RBFOX1: variants seen among roughly 807,000 people sequenced by gnomAD.
The protein encoded by RBFOX1 is RNA binding fox-1 homolog 1, also known as RNA binding protein fox-1 homolog 1.
A neutral mutation model predicts 57.7 loss-of-function variants in RBFOX1; 8 were observed. The ratio of observed to expected loss-of-function variants is 0.14; its 90% CI spans 0.08 to 0.25. RBFOX1 has a LOEUF of 0.25. Among genes scored for constraint, RBFOX1 ranks in the 10% least tolerant of loss-of-function variants. The pLI, the probability that RBFOX1 is intolerant of heterozygous loss-of-function variation, is 1.00. For missense variants in RBFOX1, 611 were observed against 548.5 expected (o/e 1.11, Z -1.14); for synonymous variants, 326 against 222.4 (o/e 1.47, Z -4.15).
At chr16:6,411,863 G>C (rs1382306079) in intron 2 of RBFOX1, among the ~76,000 whole-genome samples, 4 of 151,984 alleles carry the variant, frequency 2.6e-5, no homozygotes, top group African/African-American at 9.7e-5. Flanking sequence ...GCCAGGTGTG[G>C]TGGCTCACGC....
intron 4 of RBFOX1, among the ~76,000 whole-genome samples, chr16:5,928,972 G>C (rs748811760): frequency 2.0e-5 from 3 of 149,430 alleles, no homozygotes; most frequent in Non-Finnish European, 4.4e-5. Flanking sequence ...AGGGGTTGCA[G>C]ATCCAGCTGT....
intron 3 of RBFOX1, among the ~76,000 whole-genome samples, chr16:5,658,653 A>G (rs980390659): frequency 2.6e-5 from 4 of 151,746 alleles, no homozygotes; most frequent in Admixed American, 6.6e-5. Context: ...ATAGTCTCCA[A>G]TTTCATCCAG....
At chr16:6,841,537 T>A (rs1484791713) in intron 3 of RBFOX1, among the ~76,000 whole-genome samples, 1 of 152,224 alleles carries the variant, frequency 6.6e-6, no homozygotes, top group Non-Finnish European at 1.5e-5. Flanking sequence ...AACCTCACGC[T>A]AATGAGGCGA....
chr16:7,581,995 C>T (rs1372716517), intron 6 of RBFOX1, among the ~76,000 whole-genome samples: 1 of 151,086 alleles, frequency 6.6e-6, no homozygotes, highest in Non-Finnish European at 1.5e-5. Context: ...GGGATTACAG[C>T]ATAAGATGTG....
chr16:7,503,272 C>T (rs1229793958), intron 4 of RBFOX1, among the ~76,000 whole-genome samples: 7 of 152,264 alleles, frequency 4.6e-5, no homozygotes, highest in Admixed American at 2.6e-4. Flanking sequence ...GCAACGTTCA[C>T]GGCAGAGTTG....
chr16:6,755,680 A>G (rs2075676606), intron 3 of RBFOX1, among the ~76,000 whole-genome samples: 1 of 152,170 alleles, frequency 6.6e-6, no homozygotes, highest in Non-Finnish European at 1.5e-5. Flanking sequence ...ACTTTGCTAT[A>G]AATATAATAC....
intron 10 of RBFOX1, among the ~76,000 whole-genome samples, chr16:7,616,974 T>C (rs551855071): frequency 1.3e-5 from 2 of 151,148 alleles, no homozygotes; most frequent in South Asian, 4.2e-4. Flanking sequence ...GAATCCACCC[T>C]TCCCTGCACA....
chr16:7,689,618 A>T (rs2076894649), intron 14 of RBFOX1, among the ~76,000 whole-genome samples: 1 of 152,068 alleles, frequency 6.6e-6, no homozygotes, highest in Non-Finnish European at 1.5e-5. Context: ...TCTTATCTTC[A>T]GGGAAGTTGG....
intron 1 of RBFOX1, among the ~76,000 whole-genome samples, chr16:5,332,082 C>T (rs749109336): frequency 3.3e-5 from 5 of 152,094 alleles, no homozygotes; most frequent in Non-Finnish European, 7.4e-5. Context: ...TGGATCTTTT[C>T]GGTTTCTTGT....
chr16:7,604,080 C>T (rs11644336), intron 9 of RBFOX1, among the ~76,000 whole-genome samples: 53,004 of 151,900 alleles, frequency 0.35, 11,021 homozygotes, highest in Admixed American at 0.46. Context: ...TAATGGATCA[C>T]ACATGGGGTA....
intron 3 of RBFOX1, among the ~76,000 whole-genome samples, chr16:6,925,170 C>G (rs1262367245): frequency 2.5e-5 from 2 of 81,252 alleles, no homozygotes; most frequent in South Asian, 4.8e-4. Context: ...GTTTTGCTCT[C>G]TTGCCTAGAC....
intron 2 of RBFOX1, among the ~76,000 whole-genome samples, chr16:5,581,129 G>A (rs1029908494): frequency 2.0e-5 from 3 of 152,188 alleles, no homozygotes; most frequent in Non-Finnish European, 4.4e-5. Context: ...AGATCCAGAG[G>A]AGAAGGGGGC....
chr16:5,804,331 G>T (rs1332801535), intron 3 of RBFOX1, among the ~76,000 whole-genome samples: 2 of 152,206 alleles, frequency 1.3e-5, no homozygotes, highest in African/African-American at 2.4e-5. Flanking sequence ...ATGAACAAAT[G>T]AATGAATACA....
In RBFOX1 at chr16:7,437,823, C is replaced by G. The variant is rs144292287; in HGVS notation, c.28-80324C>G. 2.5e-3 allele frequency among the ~76,000 whole-genome samples: 379 copies of G among 151,698 alleles called. 2 individuals carry two copies. Among genetic ancestry groups the G allele is most frequent in the African/African-American group, 8.8e-3 (362 of 41,318 alleles). ...CAGATTTAGATGTGCTGGTCGGCCCCTTCTGCAACTTGACAGGAGGCAGTC... is the reference window on the plus strand; with the variant it reads ...CAGATTTAGATGTGCTGGTCGGCCCGTTCTGCAACTTGACAGGAGGCAGTC... On this transcript the variant is annotated intron_variant, in intron 4 of 15. Coordinates refer to ENST00000550418, the MANE Select transcript of RBFOX1 (RefSeq NM_018723.4).
intron 1 of RBFOX1, among the ~76,000 whole-genome samples, chr16:6,079,928 G>T (rs548717659): frequency 6.6e-6 from 1 of 152,292 alleles, no homozygotes; most frequent in South Asian, 2.1e-4. Flanking sequence ...AATTAATTTA[G>T]AATGCTCATG....
chr16:6,085,543 A>G (rs1037434619), intron 1 of RBFOX1, among the ~76,000 whole-genome samples: 3 of 152,212 alleles, frequency 2.0e-5, no homozygotes, highest in Non-Finnish European at 4.4e-5. Flanking sequence ...TGTTGGGATT[A>G]CAGGCGTGAG....
intron 3 of RBFOX1, among the ~76,000 whole-genome samples, chr16:7,014,635 A>G (rs757091750): frequency 6.6e-6 from 1 of 152,114 alleles, no homozygotes; most frequent in Non-Finnish European, 1.5e-5. Context: ...TTGGGAAAAT[A>G]TATTTTGGAT....
At chr16:6,148,569 C>G (rs750899817) in intron 1 of RBFOX1, among the ~76,000 whole-genome samples, 2 of 152,124 alleles carry the variant, frequency 1.3e-5, no homozygotes, top group Admixed American at 6.5e-5. Flanking sequence ...CAATAAGAGT[C>G]ATGTTCCTGG....
At chr16:6,259,618 G>T (rs1039913617) in intron 1 of RBFOX1, among the ~76,000 whole-genome samples, 1 of 152,012 alleles carries the variant, frequency 6.6e-6, no homozygotes, top group African/African-American at 2.4e-5. Flanking sequence ...CAAGTGGATT[G>T]GTGACTGAAA....
Sources: allele counts gnomAD v4.1 joint callset (sites outside exome capture counted in the v4.1 genomes callset), GRCh38; gene constraint gnomAD v4.1.1; transcripts MANE v1.5; gene names NCBI Gene and HGNC (gene_info 2026-07-23, HGNC 2026-07-21).